ITGA8: variants seen among roughly 807,000 people sequenced by gnomAD.
The protein encoded by ITGA8 is integrin alpha-8.
ITGA8 carries 91 observed loss-of-function variants against 142.3 expected under a neutral mutation model. The ratio of observed to expected loss-of-function variants is 0.64; its 90% CI spans 0.54 to 0.76. The LOEUF is 0.76. Among genes scored for constraint, ITGA8 ranks in the 30% least tolerant of loss-of-function variants. The pLI is 0.00. For missense variants in ITGA8, 1,406 were observed against 1,327.7 expected, an observed-to-expected ratio of 1.06 and a Z score of -0.92; for synonymous variants, 505 against 485.2, an observed-to-expected ratio of 1.04 and a Z score of -0.54.
intron 18 of ITGA8, 44 bp downstream of exon 18, chr10:15,606,241 G>C (rs1481870305): frequency 2.6e-6 from 4 of 1,551,544 alleles, no homozygotes. Flanking sequence ...ACACCCCAGA[G>C]AGCTTGCTTG....
intron 13 of ITGA8, among the ~76,000 whole-genome samples, chr10:15,639,483 C>T (rs1261726034): frequency 6.6e-6 from 1 of 152,178 alleles, no homozygotes; most frequent in Non-Finnish European, 1.5e-5. Flanking sequence ...CTACAGATAA[C>T]ATGCATGCAC....
At chr10:15,570,610 CAA>C (rs931457896) in intron 25 of ITGA8, among the ~76,000 whole-genome samples, 2 of 40,034 alleles carry the variant, frequency 5.0e-5, no homozygotes, top group African/African-American at 9.4e-5. Flanking sequence ...AACTCCATCT[CAA>C]AAAAAAAAAA....
chr10:15,526,310 G>A (rs1223115075), intron 28 of ITGA8, among the ~76,000 whole-genome samples: 1 of 152,030 alleles, frequency 6.6e-6, no homozygotes, highest in Non-Finnish European at 1.5e-5. Context: ...CCGAGTAGCT[G>A]GGATTACAGG....
At chr10:15,662,876 ATTAC>A (rs1834315960) in intron 8 of ITGA8, among the ~76,000 whole-genome samples, 1 of 152,192 alleles carries the variant, frequency 6.6e-6, no homozygotes, top group African/African-American at 2.4e-5. Context: ...TTAGGAACAG[ATTAC>A]TTTCTTGGGT....
chr10:15,622,935 T>C (rs568351601), intron 13 of ITGA8, among the ~76,000 whole-genome samples: 2 of 152,260 alleles, frequency 1.3e-5, no homozygotes, highest in African/African-American at 4.8e-5. Context: ...ACCTTGTGAA[T>C]TGGAAAAGAT....
intron 2 of ITGA8, among the ~76,000 whole-genome samples, chr10:15,690,300 C>T (rs987666898): frequency 2.0e-5 from 3 of 152,172 alleles, no homozygotes; most frequent in African/African-American, 4.8e-5. Flanking sequence ...CTGTTGGCTC[C>T]AGAACCTGAA....
intron 3 of ITGA8, among the ~76,000 whole-genome samples, chr10:15,686,392 A>G (rs1834833215): frequency 1.3e-5 from 2 of 152,224 alleles, no homozygotes; most frequent in African/African-American, 4.8e-5. Context: ...GGAAGTCTAC[A>G]TCATGAAGCA....
chr10:15,643,353 C>T (rs989921974), intron 13 of ITGA8, among the ~76,000 whole-genome samples: 1 of 152,164 alleles, frequency 6.6e-6, no homozygotes, highest in African/African-American at 2.4e-5. Flanking sequence ...GATCTTGGCT[C>T]AGTGCAGCCT....
chr10:15,570,002 T>C (rs930472570), intron 25 of ITGA8, among the ~76,000 whole-genome samples: 1 of 152,144 alleles, frequency 6.6e-6, no homozygotes, highest in South Asian at 2.1e-4. Context: ...TAATGTAAAC[T>C]CTCTTGATTA....
At chr10:15,585,582 T>A (rs949512716) in intron 23 of ITGA8, among the ~76,000 whole-genome samples, 1 of 152,200 alleles carries the variant, frequency 6.6e-6, no homozygotes, top group Non-Finnish European at 1.5e-5. Context: ...CAGTGACAAC[T>A]TGGTCCAAAA....
intron 7 of ITGA8, among the ~76,000 whole-genome samples, 185 bp from the exon 8 acceptor site, chr10:15,671,832 A>G (rs1260056324): frequency 6.6e-6 from 1 of 150,494 alleles, no homozygotes; most frequent in Admixed American, 6.7e-5. Context: ...TTTTATACTA[A>G]GTCCTGAGTG....
chr10:15,666,846 C>G (rs1304824796), intron 8 of ITGA8, among the ~76,000 whole-genome samples: 1 of 152,168 alleles, frequency 6.6e-6, no homozygotes, highest in African/African-American at 2.4e-5. Flanking sequence ...GTTGAACCAG[C>G]CTTGCATCCG....
intron 26 of ITGA8, among the ~76,000 whole-genome samples, chr10:15,556,044 T>A (rs1833883443): frequency 1.5e-5 from 2 of 132,968 alleles, no homozygotes; most frequent in Non-Finnish European, 3.2e-5. Flanking sequence ...TTTTTTTTTT[T>A]GAGACCAAGT....
chr10:15,713,684 T>C (rs904639030), intron 2 of ITGA8, among the ~76,000 whole-genome samples: 5 of 152,118 alleles, frequency 3.3e-5, no homozygotes, highest in Middle Eastern at 3.2e-3. Flanking sequence ...CCTAAGCCAG[T>C]TGCAGAACCA....
At position 15,531,963 on chromosome 10, in the gene ITGA8, G is replaced by A. The variant is rs1346813772; in HGVS notation, c.2881-812C>T. 1.4e-4 allele frequency among the ~76,000 whole-genome samples: 20 copies of A among 142,058 alleles called. No individual in the cohort carries two copies. The South Asian group carries it at 1.6e-3, about 11-fold the overall frequency. 93.2% of individuals were successfully genotyped at this position (142,058 alleles called of 152,430 possible). On this transcript the variant is annotated intron_variant, in intron 27 of 29. Transcript: ENST00000378076. Reference sequence around the variant, plus strand: ...TCTGTCTCAAAAAGAAAAAAAAATCGTAGTATATTTCACAGATTACACAAG... The same window carrying A: ...TCTGTCTCAAAAAGAAAAAAAAATCATAGTATATTTCACAGATTACACAAG...
chr10:15,540,652 T>C (rs914293168), intron 27 of ITGA8, among the ~76,000 whole-genome samples: 3 of 152,170 alleles, frequency 2.0e-5, no homozygotes, highest in Non-Finnish European at 4.4e-5. Flanking sequence ...GAGCCCAAGC[T>C]CCTCATGGAA....
chr10:15,572,030 G>T (rs9333209), intron 25 of ITGA8, among the ~76,000 whole-genome samples, 181 bp downstream of exon 25: 7,241 of 152,246 alleles, frequency 0.048, 198 homozygotes, highest in East Asian at 0.092. Context: ...ATTTAAATTT[G>T]CTAGAAGGGA....
At chr10:15,630,905 A>G (rs1200726555) in intron 13 of ITGA8, among the ~76,000 whole-genome samples, 4 of 151,942 alleles carry the variant, frequency 2.6e-5, no homozygotes, top group African/African-American at 9.7e-5. Context: ...ATTGAATGGC[A>G]TTTCTCTAAT....
intron 2 of ITGA8, among the ~76,000 whole-genome samples, chr10:15,712,587 C>A (rs1043602064): frequency 2.6e-5 from 4 of 151,954 alleles, no homozygotes; most frequent in Admixed American, 6.6e-5. Context: ...GGTGACAGAA[C>A]CAGACTCCAT....
Sources: allele counts gnomAD v4.1 joint callset (sites outside exome capture counted in the v4.1 genomes callset), GRCh38; gene constraint gnomAD v4.1.1; transcripts MANE v1.5; gene names NCBI Gene and HGNC (gene_info 2026-07-23, HGNC 2026-07-21).